Variants in ENSA observed in about 807,000 individuals in gnomAD.
ENSA encodes endosulfine alpha, also known as alpha-endosulfine.
In ENSA, 7 loss-of-function variants were observed where a neutral mutation model predicts 16.8. The observed-to-expected ratio is 0.42, with a 90% confidence interval of 0.24 to 0.78. The LOEUF is 0.78. ENSA is among the 30% of genes least tolerant of loss of function. ENSA has a pLI of 0.29. For missense variants in ENSA, 87 were observed against 142.3 expected, an observed-to-expected ratio of 0.61 and a Z score of 1.98; for synonymous variants, 58 against 53.4, an observed-to-expected ratio of 1.09 and a Z score of -0.37.
Position 150,622,864 on chromosome 1 carries a change from G to T in ENSA, c.351-5C>A, listed in dbSNP as rs751325976. 6.5e-7 allele frequency: 1 copy of T among 1,549,108 alleles called. No homozygotes were observed. Among genetic ancestry groups the T allele is most frequent in the South Asian group, 1.2e-5 (1 of 83,694 alleles). ...CAGCATCATTCAACTTGGCCACTGC[G>T]GACGAACACAGAAGAAAAAAAAAAA... On this transcript the variant is annotated splice_polypyrimidine_tract_variant and splice_region_variant and intron_variant, in intron 3 of 3. Transcript: ENST00000369014.
chr1:150,625,630 G>A lies in ENSA; in HGVS notation c.350+12C>T, dbSNP rs757171377. 8 of 1,586,412 alleles carry A rather than the reference G, an allele frequency of 5.0e-6. No individual in the cohort carries two copies. The Middle Eastern group carries it at 5.2e-4, about 104-fold the overall frequency. ...TGGTTGAGGAAGGGGAGGAGAGGGGGGCTCAGGTTACCCCGCAAGCTTGCT... is the reference window on the plus strand; with the variant it reads ...TGGTTGAGGAAGGGGAGGAGAGGGGAGCTCAGGTTACCCCGCAAGCTTGCT... On this transcript the variant is annotated intron_variant, in intron 3 of 3. Transcript: ENST00000369014.
At chr1:150,626,485 A>ATCCGCACAGAGAAGCACAC (rs1167140003) in intron 2 of ENSA, 1 of 1,612,986 alleles carries the variant, frequency 6.2e-7, no homozygotes, top group East Asian at 2.2e-5. Context: ...CCACCATTTC[A>ATCCGCACAGAGAAGCACAC]TCCGCACAGA....
intron 2 of ENSA, among the ~76,000 whole-genome samples, chr1:150,626,870 A>G (rs1326662936): frequency 6.6e-6 from 1 of 152,142 alleles, no homozygotes; most frequent in Non-Finnish European, 1.5e-5. Flanking sequence ...AAACGATAAT[A>G]TAATCCCTCA....
intron 1 of ENSA, among the ~76,000 whole-genome samples, chr1:150,628,788 C>A (rs962750381): frequency 6.6e-6 from 1 of 152,152 alleles, no homozygotes; most frequent in Non-Finnish European, 1.5e-5. Context: ...TTTCTCACGA[C>A]CCTGTCGGCG....
At chr1:150,626,225 A>T (rs928835722) in intron 2 of ENSA, among the ~76,000 whole-genome samples, 1 of 152,242 alleles carries the variant, frequency 6.6e-6, no homozygotes, top group African/African-American at 2.4e-5. Context: ...GGGCTATCCT[A>T]GCCACCAGGA....
Position 150,627,588 on chromosome 1 carries a change from G to A in ENSA, c.62C>T (p.Thr21Met), listed in dbSNP as rs12061745. The change falls in exon 2 of 4, where the codon ACG (threonine) becomes ATG (methionine). Residue 21 changes from threonine (T) to methionine (M), a missense_variant. Transcript: ENST00000369014. Reference sequence around the variant, plus strand: ...AGGCAGAATACCTTCTTTCTCCTGCGTGTCCTGGAGAAAACAAATGAGCCA... The same window carrying A: ...AGGCAGAATACCTTCTTTCTCCTGCATGTCCTGGAGAAAACAAATGAGCCA... ...AEETGEEKQD[T>M]QEKEGILPER... 50 of 1,599,832 alleles carry A rather than the reference G, an allele frequency of 3.1e-5. No individual in the cohort carries two copies. The African/African-American group carries it at 4.3e-4, about 14-fold the overall frequency.
rs1402146161 is a variant in ENSA, at chr1:150,624,264, C to T, written c.350+1378G>A. Reference sequence around the variant, plus strand: ...GATGCAGAGATTTCTCAGTCTTCCTCCTCTCCCTCCCTAACCACTTTCCCC... The same window carrying T: ...GATGCAGAGATTTCTCAGTCTTCCTTCTCTCCCTCCCTAACCACTTTCCCC... On this transcript the variant is annotated intron_variant, in intron 3 of 3. Coordinates refer to ENST00000369014, the MANE Select transcript of ENSA (RefSeq NM_004436.4). The T allele has an allele frequency of 4.1e-6, 4 of 985,800 alleles. No homozygotes were observed. In the South Asian group the frequency reaches 1.4e-4, roughly 35 times the overall value. The allele number at this position is 985,800 out of a possible 1,614,324, so 61.1% of individuals were successfully genotyped here. A position where few individuals can be genotyped will look rare whatever the true frequency, so the allele number is the denominator to read the frequency against.
chr1:150,626,489 G>T (rs145743127), intron 2 of ENSA: 2 of 1,612,948 alleles, frequency 1.2e-6, no homozygotes. Context: ...CATTTCATCC[G>T]CACAGAGAAG....
intron 2 of ENSA, 77 bp downstream of exon 2, chr1:150,627,390 A>T (rs1401183322): frequency 1.2e-6 from 2 of 1,614,156 alleles, no homozygotes; most frequent in Non-Finnish European, 1.7e-6. Flanking sequence ...AAAAGGATCC[A>T]GTAGAACCTC....
chr1:150,624,348 C>T (rs2101737442), intron 3 of ENSA: 1 of 985,928 alleles, frequency 1.0e-6, no homozygotes, highest in South Asian at 4.7e-5. Flanking sequence ...TGCAGGAGTA[C>T]TCAGCCCCAG....
At position 150,629,368 on chromosome 1, in the gene ENSA, C is replaced by T. The variant is rs766507233; in HGVS notation, c.57+46G>A. ...ACTGGTGGGAGACCGTCTCCCGCCC[C>T]ATCACGGTCTCCCCAGCTCGCCCGC... On this transcript the variant is annotated intron_variant, in intron 1 of 3. Transcript: ENST00000369014. The T allele has an allele frequency of 3.1e-6, 5 of 1,599,940 alleles. No individual in the cohort carries two copies. In the African/African-American group the frequency reaches 6.7e-5, roughly 21 times the overall value.
intron 3 of ENSA, chr1:150,624,672 C>A: frequency 2.0e-6 from 2 of 985,508 alleles, no homozygotes; most frequent in Non-Finnish European, 2.4e-6. Flanking sequence ...TCATGTATCC[C>A]TCAAATGGTT....
intron 3 of ENSA, chr1:150,624,080 C>G: frequency 5.1e-6 from 5 of 985,446 alleles, no homozygotes; most frequent in African/African-American, 3.5e-5. Context: ...CTGGTCCTCT[C>G]TGTCATAACT....
chr1:150,625,011 G>A (rs1174602497), intron 3 of ENSA: 14 of 985,304 alleles, frequency 1.4e-5, no homozygotes, highest in Non-Finnish European at 1.7e-5. Context: ...GAGAGAAGGT[G>A]CCCATTTTCT....
chr1:150,622,856 G>A lies in ENSA; in HGVS notation c.354C>T (p.Gly118=), dbSNP rs1369084910. 5 of 1,546,162 alleles carry A rather than the reference G, an allele frequency of 3.2e-6. No homozygotes were observed. Among genetic ancestry groups the A allele is most frequent in the Admixed American group, 3.9e-5 (2 of 50,814 alleles). ...SSLVTSKLAG[G]QVE is the part of the protein sequence containing the mutation. Reference sequence around the variant, plus strand: ...GCCCCGGGCAGCATCATTCAACTTGGCCACTGCGGACGAACACAGAAGAAA... The same window carrying A: ...GCCCCGGGCAGCATCATTCAACTTGACCACTGCGGACGAACACAGAAGAAA... Residue 118 remains glycine, a synonymous_variant, in exon 4 of 4, where the codon GGC becomes GGT. Transcript: ENST00000369014.
chr1:150,622,876 A>G lies in ENSA; in HGVS notation c.351-17T>C, dbSNP rs1201733810. ...ACTTGGCCACTGCGGACGAACACAG[A>G]AGAAAAAAAAAAAAAACAACACTGT... On this transcript the variant is annotated splice_polypyrimidine_tract_variant and intron_variant, in intron 3 of 3. Transcript: ENST00000369014. 5.2e-6 allele frequency: 8 copies of G among 1,546,764 alleles called. No homozygotes were observed. Among genetic ancestry groups the G allele is most frequent in the Non-Finnish European group, 8.7e-7 (1 of 1,145,548 alleles).
At chr1:150,624,123 C>A (rs1649146442) in intron 3 of ENSA, 1 of 985,310 alleles carries the variant, frequency 1.0e-6, no homozygotes, top group African/African-American at 1.7e-5. Flanking sequence ...TCTAGCCAAG[C>A]TGGTGGTAAC....
intron 3 of ENSA, chr1:150,625,400 C>G: frequency 1.7e-6 from 2 of 1,210,350 alleles, no homozygotes; most frequent in Non-Finnish European, 2.1e-6. Context: ...CCAATCCTAG[C>G]CTTTCCTATT....
Position 150,622,828 on chromosome 1 carries a change from A to C in ENSA, c.*16T>G. The C allele has an allele frequency of 1.3e-6, 2 of 1,557,896 alleles. No individual in the cohort carries two copies. Among genetic ancestry groups the C allele is most frequent in the Non-Finnish European group, 1.7e-6 (2 of 1,150,762 alleles). ...GAGGGGAAGCGTCTCAGGATCTGGC[A>C]GAGCCCCGGGCAGCATCATTCAACT... On this transcript the variant is annotated 3_prime_UTR_variant, in exon 4 of 4. Transcript: ENST00000369014.
Sources: gnomAD v4.1 joint callset for allele counts (sites outside exome capture counted in the v4.1 genomes callset) on GRCh38, gnomAD v4.1.1 for gene constraint, MANE v1.5 for transcripts, NCBI Gene and HGNC (gene_info 2026-07-23, HGNC 2026-07-21) for gene names.